The following WIPF3 variants were observed in gnomAD, a reference collection of about 807,000 sequenced individuals.
WIPF3 encodes WAS/WASL-interacting protein family member 3.
In WIPF3, 33 loss-of-function variants were observed where a neutral mutation model predicts 38.9. That is an observed-to-expected ratio of 0.85 (90% CI 0.64 to 1.14). The LOEUF (loss-of-function observed/expected upper bound fraction) is 1.14, where lower values mean the gene tolerates loss of function less well. Ranked by LOEUF, WIPF3 falls within the 50% of genes most tolerant of loss-of-function variation. WIPF3 has a pLI of 0.00. For missense variants in WIPF3, 711 were observed against 652.5 expected (o/e 1.09, Z -0.98); for synonymous variants, 324 against 269.3 (o/e 1.20, Z -1.99).
In WIPF3 at chr7:29,823,492, T is replaced by G. The variant is rs1251636115; in HGVS notation, c.-57-11176T>G. 6.6e-6 allele frequency among the ~76,000 whole-genome samples: 1 copy of G among 152,240 alleles called. No homozygotes were observed. The highest frequency in any genetic ancestry group is 1.5e-5 in the Non-Finnish European group (1 of 68,040). ...TAATAATCATTAAGATGATATCTCA[T>G]TTCTAGATTCACATATAACTTTCCC... On this transcript the variant is annotated intron_variant, in intron 1 of 8. Transcript: ENST00000242140. The surrounding 1 kb of genome is among the most constrained non-coding windows in gnomAD (Gnocchi z 4.0).
intron 2 of WIPF3, among the ~76,000 whole-genome samples, chr7:29,853,866 G>T (rs748925739): frequency 6.6e-6 from 1 of 152,208 alleles, no homozygotes; most frequent in Non-Finnish European, 1.5e-5. Context: ...TGGGCATAGC[G>T]ATGCTCTTTT....
chr7:29,887,591 CA>C (rs1028536517), intron 5 of WIPF3, among the ~76,000 whole-genome samples: 7 of 152,172 alleles, frequency 4.6e-5, no homozygotes, highest in Non-Finnish European at 1.0e-4. Flanking sequence ...AGCAGGGACA[CA>C]GGGGCAGAAC....
Position 29,889,437 on chromosome 7 carries a change from A to G in WIPF3, c.1351+30A>G, listed in dbSNP as rs372199441. The stretch of plus-strand genomic sequence containing the variant: ...GTACCACCTTGATAAGACTCCTGGC[A>G]TCTCCCGACCCTTCAAAATTAGGTG... On this transcript the variant is annotated intron_variant, in intron 7 of 8. Coordinates refer to ENST00000242140, the MANE Select transcript of WIPF3 (RefSeq NM_001080529.3). 209 of 1,567,476 alleles carry G rather than the reference A, an allele frequency of 1.3e-4. 1 individual carries two copies. In the African/African-American group the frequency reaches 2.1e-3, roughly 16 times the overall value.
At chr7:29,890,574 A>G (rs926359656) in intron 7 of WIPF3, among the ~76,000 whole-genome samples, 1 of 152,226 alleles carries the variant, frequency 6.6e-6, no homozygotes, top group Non-Finnish European at 1.5e-5. Context: ...AAGACCAGGA[A>G]TCGTGAGCCA....
chr7:29,848,829 A>T (rs1414592183), intron 2 of WIPF3, among the ~76,000 whole-genome samples: 1 of 152,166 alleles, frequency 6.6e-6, no homozygotes, highest in African/African-American at 2.4e-5. Context: ...GCTGGAGTTG[A>T]TAATTGTTGA....
rs1784568969 is a variant in WIPF3, at chr7:29,823,357, G to A, written c.-57-11311G>A. On this transcript the variant is annotated intron_variant, in intron 1 of 8. Coordinates refer to ENST00000242140, the MANE Select transcript of WIPF3 (RefSeq NM_001080529.3). The surrounding 1 kb of genome is among the most constrained non-coding windows in gnomAD (Gnocchi z 4.0). The stretch of plus-strand genomic sequence containing the variant: ...GCTCACTGCAACCTCCGTCTCCTGG[G>A]AGAACCCAACATTCAGAATATATTT... 6.6e-6 allele frequency among the ~76,000 whole-genome samples: 1 copy of A among 152,162 alleles called. No individual in the cohort carries two copies. The highest frequency in any genetic ancestry group is 1.5e-5 in the Non-Finnish European group (1 of 68,016).
Position 29,883,876 on chromosome 7 carries a change from T to G in WIPF3, c.382T>G (p.Ser128Ala). Reference sequence around the variant, plus strand: ...TGGCAAGACAGGGCAGGGCCCTGGCTCCCGCGCGCCCTCTCCCAGGCTTCC... The same window carrying G: ...TGGCAAGACAGGGCAGGGCCCTGGCGCCCGCGCGCCCTCTCCCAGGCTTCC... The part of the protein sequence containing the change: ...AGGKTGQGPG[S>A]RAPSPRLPNK... The change falls in exon 5 of 9, where the codon TCC (serine) becomes GCC (alanine). Residue 128 changes from serine (S) to alanine (A), a missense_variant. Ser to Ala is a moderately conservative substitution (Grantham distance 99). Transcript: ENST00000242140. 1 of 1,565,956 alleles carries G rather than the reference T, an allele frequency of 6.4e-7. No homozygotes were observed. The highest frequency in any genetic ancestry group is 1.2e-5 in the South Asian group (1 of 83,590).
intron 4 of WIPF3, among the ~76,000 whole-genome samples, chr7:29,883,430 G>C (rs1340769973): frequency 6.6e-6 from 1 of 152,202 alleles, no homozygotes; most frequent in Non-Finnish European, 1.5e-5. Flanking sequence ...AGCCAGGAGT[G>C]CTGGTTGGTA....
At chr7:29,820,202 C>T (rs1157542420) in intron 1 of WIPF3, among the ~76,000 whole-genome samples, 1 of 152,052 alleles carries the variant, frequency 6.6e-6, no homozygotes, top group African/African-American at 2.4e-5. Context: ...ATATTCATGG[C>T]TGCTAACTCA....
chr7:29,842,492 G>A (rs1784928343), intron 2 of WIPF3, among the ~76,000 whole-genome samples: 1 of 152,178 alleles, frequency 6.6e-6, no homozygotes, highest in African/African-American at 2.4e-5. Context: ...GTTCCTGTTT[G>A]CCAGAGTCTT....
At chr7:29,852,287 A>G (rs1785114174) in intron 2 of WIPF3, among the ~76,000 whole-genome samples, 2 of 152,232 alleles carry the variant, frequency 1.3e-5, no homozygotes, top group South Asian at 4.1e-4. Context: ...ATGAGCCACG[A>G]TGCCTAGCCT....
intron 8 of WIPF3, among the ~76,000 whole-genome samples, chr7:29,907,398 G>A (rs1219736288): frequency 6.6e-6 from 1 of 152,186 alleles, no homozygotes; most frequent in Non-Finnish European, 1.5e-5. Flanking sequence ...CAGATATTTT[G>A]TATGTTATTG....
intron 1 of WIPF3, among the ~76,000 whole-genome samples, chr7:29,819,852 G>A (rs1222994090): frequency 6.6e-6 from 1 of 151,966 alleles, no homozygotes; most frequent in African/African-American, 2.4e-5. Context: ...TGATAGGATT[G>A]TGAACAGAAA....
chr7:29,811,841 C>G (rs924111634), intron 1 of WIPF3, among the ~76,000 whole-genome samples: 1 of 152,184 alleles, frequency 6.6e-6, no homozygotes, highest in Non-Finnish European at 1.5e-5. Flanking sequence ...CAGGGACATT[C>G]TGTATTCTTA....
intron 2 of WIPF3, among the ~76,000 whole-genome samples, chr7:29,853,309 A>G (rs1214455030): frequency 6.6e-6 from 1 of 152,168 alleles, no homozygotes; most frequent in Admixed American, 6.5e-5. Context: ...GCTAGCCCAG[A>G]GGGGAGGTGA....
chr7:29,916,394 G>A lies in WIPF3; in HGVS notation c.*1878G>A, dbSNP rs200272952. On this transcript the variant is annotated 3_prime_UTR_variant, in exon 9 of 9. Coordinates refer to ENST00000242140, the MANE Select transcript of WIPF3 (RefSeq NM_001080529.3). ...TGTTTAGACATTCGTGTCTCCTATG[G>A]CTGGGATGGAAATTAAAATAACACT... The A allele has an allele frequency of 1.5e-3, 223 of 152,304 alleles. 2 individuals are homozygous for A. The highest frequency in any genetic ancestry group is 5.1e-3 in the African/African-American group (210 of 41,568). 9.4% of individuals were successfully genotyped at this position (152,304 alleles called of 1,614,324 possible). A position where few individuals can be genotyped will look rare whatever the true frequency, so the allele number is the denominator to read the frequency against.
chr7:29,832,055 C>T (rs1784731282), intron 1 of WIPF3, among the ~76,000 whole-genome samples: 1 of 152,168 alleles, frequency 6.6e-6, no homozygotes, highest in African/African-American at 2.4e-5. Context: ...TTATTCTTCC[C>T]CACCTTTTCC....
At chr7:29,839,355 TG>T (rs1294677751) in intron 2 of WIPF3, among the ~76,000 whole-genome samples, 4 of 152,206 alleles carry the variant, frequency 2.6e-5, no homozygotes, top group Admixed American at 2.0e-4. Flanking sequence ...CTAAAACCAC[TG>T]GGTGAAAGGT....
intron 8 of WIPF3, among the ~76,000 whole-genome samples, chr7:29,910,360 T>G (rs1174022932): frequency 6.6e-6 from 1 of 152,188 alleles, no homozygotes; most frequent in Non-Finnish European, 1.5e-5. Context: ...TTCAAAGAAC[T>G]AACCCAATCC....
Sources: allele counts gnomAD v4.1 joint callset (sites outside exome capture counted in the v4.1 genomes callset), GRCh38; gene constraint gnomAD v4.1.1; non-coding constraint Gnocchi (gnomAD v3.1); transcripts MANE v1.5; gene names NCBI Gene and HGNC (gene_info 2026-07-23, HGNC 2026-07-21).